The following SSBP2 variants were observed in gnomAD, a reference collection of about 807,000 sequenced individuals.
SSBP2 encodes single stranded DNA binding protein 2.
A neutral mutation model predicts 61.8 loss-of-function variants in SSBP2; 17 were observed. The ratio of observed to expected loss-of-function variants is 0.28; its 90% confidence interval spans 0.19 to 0.41. The LOEUF is 0.41. SSBP2 is among the 10% of genes least tolerant of loss of function. The pLI, the probability that SSBP2 is intolerant of heterozygous loss-of-function variation, is 1.00. For synonymous variants in SSBP2, 139 were observed against 141.3 expected (o/e 0.98, Z 0.12); for missense variants, 310 against 458.7 (o/e 0.68, Z 2.96).
intron 1 of SSBP2, among the ~76,000 whole-genome samples, chr5:81,667,205 T>A (rs1258270351): frequency 6.6e-6 from 1 of 151,890 alleles, no homozygotes; most frequent in Non-Finnish European, 1.5e-5. Context: ...AACAACAGTC[T>A]CTTGAGTTGA....
At chr5:81,534,287 C>T (rs1447824684) in intron 4 of SSBP2, among the ~76,000 whole-genome samples, 1 of 152,058 alleles carries the variant, frequency 6.6e-6, no homozygotes, top group African/African-American at 2.4e-5. Flanking sequence ...TCCTTTTACC[C>T]AGGATATCAT....
chr5:81,425,988 C>A (rs904259252), intron 16 of SSBP2, among the ~76,000 whole-genome samples: 7 of 152,142 alleles, frequency 4.6e-5, no homozygotes, highest in African/African-American at 1.7e-4. Context: ...GCAGACTGCT[C>A]AAAAATATGT....
intron 1 of SSBP2, among the ~76,000 whole-genome samples, chr5:81,724,351 T>C (rs555575261): frequency 6.6e-6 from 1 of 152,192 alleles, no homozygotes; most frequent in East Asian, 1.9e-4. Flanking sequence ...ATCTTTTGCA[T>C]TCTTTTTAAA....
At chr5:81,722,563 C>G (rs1755608120) in intron 1 of SSBP2, among the ~76,000 whole-genome samples, 2 of 151,864 alleles carry the variant, frequency 1.3e-5, no homozygotes, top group African/African-American at 4.8e-5. Context: ...TCAGATAATA[C>G]CTAGCCAATG....
intron 1 of SSBP2, among the ~76,000 whole-genome samples, chr5:81,663,594 TAC>T (rs950074430): frequency 1.3e-5 from 2 of 152,184 alleles, no homozygotes; most frequent in African/African-American, 2.4e-5. Flanking sequence ...AATACTGAAG[TAC>T]ACAGAGTTAT....
intron 3 of SSBP2, among the ~76,000 whole-genome samples, chr5:81,627,815 T>C (rs1747319082): frequency 6.6e-6 from 1 of 152,136 alleles, no homozygotes. Context: ...CCCAGCACTT[T>C]GGCAGGCAGA....
At chr5:81,460,434 C>T (rs976065469) in intron 10 of SSBP2, among the ~76,000 whole-genome samples, 1 of 152,142 alleles carries the variant, frequency 6.6e-6, no homozygotes, top group Non-Finnish European at 1.5e-5. Flanking sequence ...AGATCGATAG[C>T]TTAATTTTCA....
chr5:81,587,082 CCT>C (rs1263073468), intron 4 of SSBP2, among the ~76,000 whole-genome samples: 2 of 152,098 alleles, frequency 1.3e-5, no homozygotes, highest in East Asian at 1.9e-4. Flanking sequence ...CTCGTTTTCC[CCT>C]TTGTTCTTTT....
At chr5:81,564,091 T>C (rs1271572341) in intron 4 of SSBP2, among the ~76,000 whole-genome samples, 1 of 152,024 alleles carries the variant, frequency 6.6e-6, no homozygotes, top group Non-Finnish European at 1.5e-5. Flanking sequence ...GCTAAGAAAC[T>C]GAATAGACAT....
intron 2 of SSBP2, among the ~76,000 whole-genome samples, chr5:81,638,648 C>T (rs1748491392): frequency 6.6e-6 from 1 of 151,908 alleles, no homozygotes; most frequent in Admixed American, 6.6e-5. Flanking sequence ...TCATTGTCAC[C>T]AGCACCCACA....
At chr5:81,675,179 T>C (rs993975915) in intron 1 of SSBP2, among the ~76,000 whole-genome samples, 2 of 152,116 alleles carry the variant, frequency 1.3e-5, no homozygotes, top group African/African-American at 4.8e-5. Context: ...TTTTAATCCC[T>C]TCTATTGCAG....
rs142589486 is a variant in SSBP2 at position 81,427,421 on chromosome 5, A to C, written c.1056+1164T>G. Among the ~76,000 whole-genome samples, 510 of 152,290 alleles carry C rather than the reference A, an allele frequency of 3.3e-3. 2 individuals carry two copies. Among genetic ancestry groups the C allele is most frequent in the African/African-American group, 0.012 (480 of 41,554 alleles). ...CTACAGATCAGCATAATTTTAACAG[A>C]AACGAACTCTAAAAACAGGGGATGT... is the stretch of plus-strand genomic sequence containing the variant. On this transcript the variant is annotated intron_variant, in intron 16 of 16. Coordinates refer to ENST00000320672, the MANE Select transcript of SSBP2 (RefSeq NM_012446.5).
chr5:81,589,658 T>C (rs1367250557), intron 4 of SSBP2, among the ~76,000 whole-genome samples: 1 of 152,160 alleles, frequency 6.6e-6, no homozygotes, highest in Non-Finnish European at 1.5e-5. Context: ...GAATCAATAA[T>C]AAAAGAAGAG....
intron 9 of SSBP2, among the ~76,000 whole-genome samples, chr5:81,462,607 T>C (rs989999335): frequency 6.6e-6 from 1 of 152,190 alleles, no homozygotes; most frequent in Non-Finnish European, 1.5e-5. Flanking sequence ...ATGGAGATGA[T>C]GATTTTACAA....
At chr5:81,588,373 A>G (rs185467159) in intron 4 of SSBP2, among the ~76,000 whole-genome samples, 25 of 152,298 alleles carry the variant, frequency 1.6e-4, no homozygotes, top group Non-Finnish European at 1.6e-4. Flanking sequence ...AAACTCAGAA[A>G]GTAACTTACC....
chr5:81,639,635 AACT>A (rs1390050997), intron 2 of SSBP2, among the ~76,000 whole-genome samples: 4 of 152,148 alleles, frequency 2.6e-5, no homozygotes, highest in Non-Finnish European at 5.9e-5. Context: ...AAAAAAAAAA[AACT>A]CTATGCATAA....
At chr5:81,577,024 T>G (rs1340624837) in intron 4 of SSBP2, among the ~76,000 whole-genome samples, 1 of 152,092 alleles carries the variant, frequency 6.6e-6, no homozygotes, top group East Asian at 1.9e-4. Flanking sequence ...AACTTATTAA[T>G]TAAATGTTTC....
chr5:81,672,378 A>T (rs1485073537), intron 1 of SSBP2, among the ~76,000 whole-genome samples: 1 of 152,168 alleles, frequency 6.6e-6, no homozygotes, highest in Admixed American at 6.6e-5. Flanking sequence ...TTTAAATACA[A>T]GAAAATAGTC....
chr5:81,438,031 A>T (rs1434067771), intron 14 of SSBP2, among the ~76,000 whole-genome samples: 1 of 152,174 alleles, frequency 6.6e-6, no homozygotes, highest in Non-Finnish European at 1.5e-5. Context: ...AGAAATAAAC[A>T]ATCAATATGA....
Sources: gnomAD v4.1 joint callset for allele counts (sites outside exome capture counted in the v4.1 genomes callset) on GRCh38, gnomAD v4.1.1 for gene constraint, MANE v1.5 for transcripts, NCBI Gene and HGNC (gene_info 2026-07-23, HGNC 2026-07-21) for gene names.